Variants in DYRK1A observed in about 807,000 individuals in gnomAD.
The protein encoded by DYRK1A is dual specificity tyrosine-phosphorylation-regulated kinase 1A.
DYRK1A carries 9 observed loss-of-function variants against 79.7 expected under a neutral mutation model. The ratio of observed to expected loss-of-function variants is 0.11; its 90% CI spans 0.07 to 0.20. DYRK1A has a LOEUF of 0.20. Ranked by LOEUF, DYRK1A falls within the 10% of genes least tolerant of loss-of-function variation. The pLI is 1.00. For missense variants in DYRK1A, 622 were observed against 956.0 expected, an observed-to-expected ratio of 0.65 and a Z score of 4.61; for synonymous variants, 349 against 329.7, an observed-to-expected ratio of 1.06 and a Z score of -0.63.
chr21:37,489,282 T>G (rs1456209992), intron 6 of DYRK1A, among the ~76,000 whole-genome samples: 2 of 152,162 alleles, frequency 1.3e-5, no homozygotes, highest in Non-Finnish European at 2.9e-5. Flanking sequence ...GTGTTACAGG[T>G]GCTCAGTTTG....
chr21:37,408,395 T>C (rs2050186611), intron 1 of DYRK1A, among the ~76,000 whole-genome samples: 1 of 152,206 alleles, frequency 6.6e-6, no homozygotes, highest in Non-Finnish European at 1.5e-5. Flanking sequence ...CCCTAGCCTC[T>C]TGGCTTCAGC....
At chr21:37,456,737 C>A (rs969403064) in intron 2 of DYRK1A, among the ~76,000 whole-genome samples, 2 of 152,068 alleles carry the variant, frequency 1.3e-5, no homozygotes, top group African/African-American at 4.8e-5. Context: ...TGCTTAGGGC[C>A]GTGGTGGAGT....
At chr21:37,455,901 A>G (rs564448029) in intron 2 of DYRK1A, among the ~76,000 whole-genome samples, 30 of 152,326 alleles carry the variant, frequency 2.0e-4, no homozygotes, top group African/African-American at 7.2e-4. Context: ...GCCCAAAGCG[A>G]CACAGAAGTT....
intron 2 of DYRK1A, among the ~76,000 whole-genome samples, chr21:37,440,587 A>C (rs139465783): frequency 6.6e-6 from 1 of 152,096 alleles, no homozygotes; most frequent in African/African-American, 2.4e-5. Context: ...TTTTATTTTC[A>C]TTCTTTTCAG....
intron 2 of DYRK1A, among the ~76,000 whole-genome samples, chr21:37,448,991 C>A (rs114493095): frequency 6.6e-6 from 1 of 152,156 alleles, no homozygotes; most frequent in Admixed American, 6.5e-5. Context: ...AGCCACCATG[C>A]GTGGACCTAG....
intron 1 of DYRK1A, among the ~76,000 whole-genome samples, chr21:37,382,202 G>T (rs7277662): frequency 0.54 from 81,846 of 150,798 alleles, 22,650 homozygotes; most frequent in African/African-American, 0.66. Flanking sequence ...CATGAAGCTT[G>T]CTTTCTTTTT....
At chr21:37,505,068 T>A in intron 9 of DYRK1A, 1 of 527,896 alleles carries the variant, frequency 1.9e-6, no homozygotes, top group South Asian at 2.7e-5. Flanking sequence ...GGCTAAATGA[T>A]CTTTATAGCC....
rs2053963470 is a variant in DYRK1A at position 37,525,703 on chromosome 21, G to T, written c.*13172G>T. 6.6e-6 allele frequency: 1 copy of T among 152,178 alleles called. No individual in the cohort carries two copies. Among genetic ancestry groups the T allele is most frequent in the Non-Finnish European group, 1.5e-5 (1 of 68,030 alleles). The allele number at this position is 152,178 out of a possible 1,614,324, so 9.4% of individuals were successfully genotyped here. On this transcript the variant is annotated 3_prime_UTR_variant, in exon 12 of 12. Transcript: ENST00000647188. Reference sequence around the variant, plus strand: ...TATCATGCATTATTGAACCAGTATTGTCAATAGTGAACTTCCTTTAGCTCT... The same window carrying T: ...TATCATGCATTATTGAACCAGTATTTTCAATAGTGAACTTCCTTTAGCTCT...
intron 4 of DYRK1A, among the ~76,000 whole-genome samples, chr21:37,479,097 C>T (rs147262174): frequency 3.4e-4 from 52 of 152,216 alleles, no homozygotes; most frequent in African/African-American, 1.3e-3. Context: ...TTGTCCTTTG[C>T]CAGCTTTAGA....
intron 5 of DYRK1A, 49 bp from the exon 6 acceptor site, chr21:37,486,418 G>A (rs760725697): frequency 7.4e-7 from 1 of 1,349,660 alleles, no homozygotes; most frequent in South Asian, 1.9e-5. Flanking sequence ...AAATTATTGT[G>A]AAATTTTTGC....
chr21:37,403,939 CCTGT>C (rs2148404832), intron 1 of DYRK1A, among the ~76,000 whole-genome samples: 1 of 151,976 alleles, frequency 6.6e-6, no homozygotes, highest in African/African-American at 2.4e-5. Flanking sequence ...GATTCCTTAC[CCTGT>C]CTAATATGGT....
At chr21:37,421,515 G>A (rs781473697) in intron 2 of DYRK1A, among the ~76,000 whole-genome samples, 1 of 152,116 alleles carries the variant, frequency 6.6e-6, no homozygotes. Flanking sequence ...TTACGTCAAA[G>A]GTGATTGAGC....
At chr21:37,451,404 C>T (rs913255807) in intron 2 of DYRK1A, among the ~76,000 whole-genome samples, 2 of 133,650 alleles carry the variant, frequency 1.5e-5, no homozygotes, top group Non-Finnish European at 3.2e-5. Context: ...AACTTCCAGT[C>T]CTGCAAGCTC....
chr21:37,475,739 A>G (rs1334202871), intron 3 of DYRK1A, among the ~76,000 whole-genome samples: 2 of 152,200 alleles, frequency 1.3e-5, no homozygotes, highest in Non-Finnish European at 2.9e-5. Context: ...TGAGTGCAGA[A>G]ATTTGATCAT....
chr21:37,369,084 G>A (rs1004292532), intron 1 of DYRK1A, among the ~76,000 whole-genome samples: 94 of 152,258 alleles, frequency 6.2e-4, no homozygotes, highest in African/African-American at 2.1e-3. Context: ...GTATTGATGA[G>A]TCATAAGAAA....
chr21:37,412,482 C>G (rs1371782747), intron 1 of DYRK1A, among the ~76,000 whole-genome samples: 7 of 152,140 alleles, frequency 4.6e-5, no homozygotes, highest in Non-Finnish European at 1.0e-4. Flanking sequence ...GTCCAGGCTT[C>G]CTGAATCAGG....
At chr21:37,438,645 G>A (rs1173914303) in intron 2 of DYRK1A, among the ~76,000 whole-genome samples, 2 of 152,020 alleles carry the variant, frequency 1.3e-5, no homozygotes, top group Non-Finnish European at 2.9e-5. Flanking sequence ...TATATGTGTG[G>A]GTCTGTTTGT....
intron 2 of DYRK1A, among the ~76,000 whole-genome samples, chr21:37,465,389 T>C (rs2051991496): frequency 6.6e-6 from 1 of 152,158 alleles, no homozygotes; most frequent in Non-Finnish European, 1.5e-5. Context: ...GTAAATCTAT[T>C]GGGGAAAAAA....
chr21:37,507,934 C>A (rs867349572), intron 11 of DYRK1A, among the ~76,000 whole-genome samples: 16 of 152,172 alleles, frequency 1.1e-4, no homozygotes, highest in African/African-American at 3.9e-4. Flanking sequence ...CCTTGAAAGT[C>A]TCAACAATAT....
Sources: gnomAD v4.1 joint callset for allele counts (sites outside exome capture counted in the v4.1 genomes callset) on GRCh38, gnomAD v4.1.1 for gene constraint, MANE v1.5 for transcripts, NCBI Gene and HGNC (gene_info 2026-07-23, HGNC 2026-07-21) for gene names.